PYROXD2: variants seen among roughly 807,000 people sequenced by gnomAD.
PYROXD2 encodes pyridine nucleotide-disulphide oxidoreductase domain 2, also known as pyridine nucleotide-disulfide oxidoreductase domain-containing protein 2.
Under a neutral mutation model 71.1 loss-of-function variants are expected in PYROXD2, and 69 were observed. That is an observed-to-expected ratio of 0.97 (90% CI 0.80 to 1.19). PYROXD2 has a LOEUF of 1.19. PYROXD2 is among the 50% of genes most tolerant of loss of function. The probability of loss-of-function intolerance (pLI) is 0.00; values close to 1 mark genes in which losing one functional copy is unlikely to be tolerated. For synonymous variants in PYROXD2, 287 were observed against 302.7 expected (o/e 0.95, Z 0.54); for missense variants, 745 against 748.9 (o/e 0.99, Z 0.06).
intron 6 of PYROXD2, among the ~76,000 whole-genome samples, chr10:98,396,343 C>T (rs1016419812): frequency 4.6e-5 from 7 of 152,146 alleles, no homozygotes; most frequent in South Asian, 2.1e-4. Context: ...ACAAGGAGGA[C>T]GAGAGGTACC....
At position 98,397,468 on chromosome 10, in the gene PYROXD2, G is replaced by A. The variant is rs902928974; in HGVS notation, c.502C>T (p.Arg168Cys). 2 of 1,611,552 alleles carry A rather than the reference G, an allele frequency of 1.2e-6. No homozygotes were observed. The change falls in exon 6 of 16, where the codon CGC becomes TGC. Residue 168 changes from arginine (R) to cysteine (C), a missense_variant. Transcript: ENST00000370575. ...AGAGGGTCAATGGCTAATGCCAAGC[G>A]ATGCATGAACTCCTCATATTTGGGA... ...VFPKYEEFMH[R>C]LALAIDPLLD...
intron 2 of PYROXD2, chr10:98,410,631 G>T: frequency 2.2e-6 from 1 of 454,690 alleles, no homozygotes; most frequent in Non-Finnish European, 3.9e-6. Context: ...ATGCTGTGTT[G>T]GTTACATGCT....
intron 1 of PYROXD2, chr10:98,411,252 G>A (rs1554881577): frequency 2.3e-6 from 1 of 430,904 alleles, no homozygotes; most frequent in Non-Finnish European, 4.2e-6. Context: ...GCATCGCCAG[G>A]GCTTCCATTG....
intron 14 of PYROXD2, 81 bp from the exon 15 acceptor site, chr10:98,385,148 T>C: frequency 6.5e-7 from 1 of 1,542,752 alleles, no homozygotes; most frequent in South Asian, 1.2e-5. Flanking sequence ...CCCTCCCCTG[T>C]TCTTCAGCAA....
chr10:98,400,079 C>A, intron 5 of PYROXD2, 23 bp downstream of exon 5: 1 of 1,608,912 alleles, frequency 6.2e-7, no homozygotes, highest in South Asian at 1.1e-5. Flanking sequence ...AGCAGGAGCT[C>A]AGTCACTGGT....
At chr10:98,405,374 G>A (rs1216344601) in intron 4 of PYROXD2, among the ~76,000 whole-genome samples, 1 of 152,174 alleles carries the variant, frequency 6.6e-6, no homozygotes, top group Non-Finnish European at 1.5e-5. Context: ...CTTTAGTTGA[G>A]GGCTCACTCT....
At chr10:98,390,061 G>C (rs976171772) in intron 12 of PYROXD2, among the ~76,000 whole-genome samples, 2 of 152,076 alleles carry the variant, frequency 1.3e-5, no homozygotes, top group African/African-American at 4.8e-5. Flanking sequence ...CCAGTACAGA[G>C]TCCAGCACTG....
Position 98,407,675 on chromosome 10 carries a change from A to C in PYROXD2, c.242-20T>G. 1.2e-6 allele frequency: 2 copies of C among 1,604,498 alleles called. No individual in the cohort carries two copies. The highest frequency in any genetic ancestry group is 1.7e-6 in the Non-Finnish European group (2 of 1,177,640). ...TAAACCCTGAAACCGAATCCGATGA[A>C]GACTGTCACCAGGGGTCACCAGGGA... On this transcript the variant is annotated intron_variant, in intron 3 of 15. Transcript: ENST00000370575.
At chr10:98,388,002 C>T (rs1008467501) in intron 13 of PYROXD2, 1 of 264,174 alleles carries the variant, frequency 3.8e-6, no homozygotes, top group African/African-American at 2.3e-5. Context: ...TCCTTGGAAA[C>T]CCAGCTTGAC....
chr10:98,385,584 G>A (rs1488319946), intron 14 of PYROXD2, among the ~76,000 whole-genome samples: 4 of 152,214 alleles, frequency 2.6e-5, no homozygotes, highest in East Asian at 3.9e-4. Flanking sequence ...TGGGACAAGC[G>A]AAGGTCAGAC....
In PYROXD2 at chr10:98,388,359, T is replaced by C. The variant is rs746662718; in HGVS notation, c.1442A>G (p.Asp481Gly). The C allele has an allele frequency of 6.2e-7, 1 of 1,613,852 alleles. No homozygotes were observed. Among genetic ancestry groups the C allele is most frequent in the South Asian group, 1.1e-5 (1 of 91,034 alleles). Residue 481 changes from aspartate (D) to glycine (G), a missense_variant, in exon 13 of 16, where the codon GAC becomes GGC. Asp to Gly is a moderately conservative substitution (Grantham distance 94). Coordinates refer to ENST00000370575, the MANE Select transcript of PYROXD2 (RefSeq NM_032709.3). ...WDEQERDAYADRVFDCIEVYA... is the reference protein window; with the variant it reads ...WDEQERDAYAGRVFDCIEVYA... Reference sequence around the variant, plus strand: ...GAACGTGCAGCTGTCTTTACCTCTGTCTGCATAAGCGTCTCTCTCCTGCTC... The same window carrying C: ...GAACGTGCAGCTGTCTTTACCTCTGCCTGCATAAGCGTCTCTCTCCTGCTC...
At chr10:98,385,133 T>C (rs1013503146) in intron 14 of PYROXD2, 66 bp from the exon 15 acceptor site, 34 of 1,586,734 alleles carry the variant, frequency 2.1e-5, no homozygotes, top group Non-Finnish European at 5.1e-6. Flanking sequence ...TGGCTGGGTT[T>C]CTTCCCCTCC....
chr10:98,403,331 C>A (rs1341872362), intron 4 of PYROXD2, among the ~76,000 whole-genome samples: 1 of 152,232 alleles, frequency 6.6e-6, no homozygotes, highest in Admixed American at 6.5e-5. Context: ...CTCTCCAAGC[C>A]GCCATTTTGG....
intron 6 of PYROXD2, among the ~76,000 whole-genome samples, chr10:98,396,667 A>G (rs1266903461): frequency 6.6e-6 from 1 of 152,100 alleles, no homozygotes; most frequent in East Asian, 1.9e-4. Flanking sequence ...CTTGGCCCCT[A>G]TATCTTATTC....
chr10:98,392,693 C>A, intron 9 of PYROXD2, 127 bp from the exon 10 acceptor site: 1 of 1,448,302 alleles, frequency 6.9e-7, no homozygotes, highest in Non-Finnish European at 9.2e-7. Flanking sequence ...CCCATCCCAC[C>A]AAGTTCTGCA....
intron 1 of PYROXD2, 109 bp from the exon 2 acceptor site, chr10:98,411,067 C>T (rs1843771366): frequency 6.8e-7 from 1 of 1,477,244 alleles, no homozygotes; most frequent in Non-Finnish European, 9.2e-7. Context: ...CCATGAAGAT[C>T]CTTGGTGACC....
intron 4 of PYROXD2, among the ~76,000 whole-genome samples, chr10:98,400,553 CACT>C (rs940478781): frequency 5.3e-5 from 8 of 151,960 alleles, no homozygotes; most frequent in African/African-American, 1.5e-4. Context: ...TACCATACCA[CACT>C]ACATCACATC....
intron 2 of PYROXD2, chr10:98,410,732 A>C: frequency 1.5e-6 from 1 of 666,672 alleles, no homozygotes; most frequent in Non-Finnish European, 2.5e-6. Context: ...AAGGGGAGGA[A>C]AGGAGCCTGT....
rs1360568633 is a variant in PYROXD2, at chr10:98,388,417, G to A, written c.1384C>T (p.Pro462Ser). ...GCCTTGCCTCCAGCCAGCGTATAGG[G>A]CATGTACTGAGTGAAGAGGGAGACT... ...HVVSLFTQYM[P>S]YTLAGGKAWD... Residue 462 changes from proline (P) to serine (S), a missense_variant, in exon 13 of 16, where the codon CCC becomes TCC. Pro to Ser is a moderately conservative substitution (Grantham distance 74). Transcript: ENST00000370575. The A allele has an allele frequency of 6.2e-7, 1 of 1,613,702 alleles. No homozygotes were observed. The highest frequency in any genetic ancestry group is 1.6e-4 in the Middle Eastern group (1 of 6,062).
Sources: gnomAD v4.1 joint callset for allele counts (sites outside exome capture counted in the v4.1 genomes callset) on GRCh38, gnomAD v4.1.1 for gene constraint, MANE v1.5 for transcripts, NCBI Gene and HGNC (gene_info 2026-07-23, HGNC 2026-07-21) for gene names.